LCN10: variants seen among roughly 807,000 people sequenced by gnomAD.
The protein encoded by LCN10 is lipocalin 10.
In LCN10, 18 loss-of-function variants were observed where a neutral mutation model predicts 25.1. The observed-to-expected ratio is 0.72, with a 90% CI of 0.50 to 1.06. The LOEUF (loss-of-function observed/expected upper bound fraction) is 1.06, where lower values mean the gene tolerates loss of function less well. Ranked by LOEUF, LCN10 falls within the 50% of genes least tolerant of loss-of-function variation. LCN10 has a pLI of 0.00. For synonymous variants in LCN10, 130 were observed against 116.7 expected (o/e 1.11, Z -0.73); for missense variants, 257 against 258.9 (o/e 0.99, Z 0.05).
chr9:136,740,428 G>T lies in LCN10; in HGVS notation c.476-380C>A. ...TCCTTTCCGTGTACCCCAAGTGGTT[G>T]GTGTCTAGAATTGGGTTTGTGGCCC... On this transcript the variant is annotated intron_variant, in intron 4 of 5. Transcript: ENST00000497771. This position sits in a 1 kb window ranked among gnomAD's most constrained non-coding sequence, Gnocchi z 5.3. The T allele has an allele frequency of 2.3e-6, 1 of 426,406 alleles. No individual in the cohort carries two copies. The highest frequency in any genetic ancestry group is 4.4e-6 in the Non-Finnish European group (1 of 228,748). The allele number at this position is 426,406 out of a possible 1,614,324, so 26.4% of individuals were successfully genotyped here.
Position 136,740,114 on chromosome 9 carries a change from C to A in LCN10, c.476-66G>T. ...GGCCATTTTAGGGTCTGCACCCTGA[C>A]CCCCATCCCTACCCCAGGAGCTGCT... On this transcript the variant is annotated intron_variant, in intron 4 of 5. Transcript: ENST00000497771. This position sits in a 1 kb window ranked among gnomAD's most constrained non-coding sequence, Gnocchi z 5.3. 1.9e-6 allele frequency: 2 copies of A among 1,049,152 alleles called. No homozygotes were observed. Among genetic ancestry groups the A allele is most frequent in the South Asian group, 2.7e-5 (2 of 74,044 alleles). The allele number at this position is 1,049,152 out of a possible 1,614,324, so 65.0% of individuals were successfully genotyped here.
chr9:136,741,069 A>T lies in LCN10; in HGVS notation c.368-126T>A, dbSNP rs968260319. 5 of 1,011,940 alleles carry T rather than the reference A, an allele frequency of 4.9e-6. No homozygotes were observed. The Admixed American group carries it at 1.0e-4, about 21-fold the overall frequency. The allele number at this position is 1,011,940 out of a possible 1,614,324, so 62.7% of individuals were successfully genotyped here. On this transcript the variant is annotated intron_variant, in intron 3 of 5. Coordinates refer to ENST00000497771, the MANE Select transcript of LCN10 (RefSeq NM_001001712.3). ...CAGGTGCAGGTGTCCAGAGGGACTG[A>T]GTGCCCTCCCGGGGCCTCCCCTCCC...
Position 136,739,548 on chromosome 9 carries a change from G to C in LCN10, c.580C>G (p.Arg194Gly), listed in dbSNP as rs753212037. ...TCTCATGGCAGGATGGTGTGTGTAC[G>C]GGACGCTGTGGGAGAGGAAAACAGC... is the stretch of plus-strand genomic sequence containing the variant. Reference protein sequence around the residue: ...AAVILPKDASRTHTILP With the variant: ...AAVILPKDASGTHTILP The change falls in exon 6 of 6, where the codon CGT (arginine) becomes GGT (glycine). Residue 194 changes from arginine (R) to glycine (G), a missense_variant. By Grantham distance (125) the Arg-to-Gly change is moderately radical. Coordinates refer to ENST00000497771, the MANE Select transcript of LCN10 (RefSeq NM_001001712.3). The surrounding 1 kb of genome is among the most constrained non-coding windows in gnomAD (Gnocchi z 6.1). 5 of 1,600,014 alleles carry C rather than the reference G, an allele frequency of 3.1e-6. No homozygotes were observed. The highest frequency in any genetic ancestry group is 2.3e-5 in the South Asian group (2 of 88,258).
rs1374626549 is a variant in LCN10, at chr9:136,742,827, T to C, written c.77A>G (p.Glu26Gly). 2 of 1,613,442 alleles carry C rather than the reference T, an allele frequency of 1.2e-6. No homozygotes were observed. Among genetic ancestry groups the C allele is most frequent in the African/African-American group, 1.3e-5 (1 of 74,886 alleles). Residue 26 changes from glutamate to glycine, a missense_variant, in exon 1 of 6, where the codon GAG becomes GGG. Coordinates refer to ENST00000497771, the MANE Select transcript of LCN10 (RefSeq NM_001001712.3). ...LVLAAGSQVQEWYPRESHALN... is the reference protein window; with the variant it reads ...LVLAAGSQVQGWYPRESHALN... ...GGCGTGGGACTCCCTGGGGTACCAC[T>C]CCTGCACCTGGGACCCTGCAGCCAG... is the stretch of plus-strand genomic sequence containing the variant.
chr9:136,741,694 A>C, intron 2 of LCN10, 187 bp downstream of exon 2: 1 of 832,778 alleles, frequency 1.2e-6, no homozygotes, highest in Non-Finnish European at 1.8e-6. Context: ...GCTTCCTCCC[A>C]ACACCCACCC....
rs369198647 is a variant in LCN10, at chr9:136,741,308, G to C, written c.311C>G (p.Pro104Arg). Reference protein sequence around the residue: ...EVILRKDGKKPVFGNACAYAA... With the variant: ...EVILRKDGKKRVFGNACAYAA... ...GTATGCACAGGCGTTCCCAAACACCGGCTTCTTCCCGTCTTTCCTCAGGAT... is the reference window on the plus strand; with the variant it reads ...GTATGCACAGGCGTTCCCAAACACCCGCTTCTTCCCGTCTTTCCTCAGGAT... The change falls in exon 3 of 6, where the codon CCG (proline) becomes CGG (arginine). Residue 104 changes from proline to arginine, a missense_variant. By Grantham distance (103) the Pro-to-Arg change is moderately radical. Transcript: ENST00000497771. The C allele has an allele frequency of 7.4e-6, 12 of 1,613,426 alleles. No homozygotes were observed. The highest frequency in any genetic ancestry group is 1.0e-5 in the Non-Finnish European group (12 of 1,179,794).
chr9:136,742,194 G>A, intron 1 of LCN10, 174 bp from the exon 2 acceptor site: 1 of 765,878 alleles, frequency 1.3e-6, no homozygotes, highest in Non-Finnish European at 2.0e-6. Flanking sequence ...ACTGGAGCAG[G>A]GCTGCAGAGA....
rs1846906678 is a variant in LCN10, at chr9:136,740,373, C to G, written c.476-325G>C. ...GACTGAGACCCCAGGACCCCACCTC[C>G]CCTCTACCCGTTCCAACCGGGAGGG... On this transcript the variant is annotated intron_variant, in intron 4 of 5. Coordinates refer to ENST00000497771, the MANE Select transcript of LCN10 (RefSeq NM_001001712.3). This position sits in a 1 kb window ranked among gnomAD's most constrained non-coding sequence, Gnocchi z 5.3. 2.2e-5 allele frequency: 10 copies of G among 464,328 alleles called. No homozygotes were observed. In the South Asian group the frequency reaches 2.3e-4, roughly 11 times the overall value. 28.8% of individuals were successfully genotyped at this position (464,328 alleles called of 1,614,324 possible).
rs940777422 is a variant in LCN10 at position 136,742,936 on chromosome 9, T to A, written c.-33A>T. Reference sequence around the variant, plus strand: ...CTCCTCCCTCAGCCGCCAAGGCCAGTGTTTAAACCTCTCTGGAGCCGCCAG... The same window carrying A: ...CTCCTCCCTCAGCCGCCAAGGCCAGAGTTTAAACCTCTCTGGAGCCGCCAG... On this transcript the variant is annotated 5_prime_UTR_variant, in exon 1 of 6. Transcript: ENST00000497771. 6.2e-6 allele frequency: 10 copies of A among 1,606,938 alleles called. No homozygotes were observed. Among genetic ancestry groups the A allele is most frequent in the South Asian group, 5.5e-5 (5 of 90,442 alleles).
intron 1 of LCN10, chr9:136,742,345 C>T: frequency 2.4e-6 from 1 of 416,444 alleles, no homozygotes; most frequent in Non-Finnish European, 4.3e-6. Flanking sequence ...CGGCCACTTC[C>T]CTTCCTGCCG....
chr9:136,741,196 C>T lies in LCN10; in HGVS notation c.367+56G>A, dbSNP rs1174084786. 5.4e-6 allele frequency: 8 copies of T among 1,484,672 alleles called. No homozygotes were observed. The East Asian group carries it at 1.6e-4, about 30-fold the overall frequency. 92.0% of individuals were successfully genotyped at this position (1,484,672 alleles called of 1,614,324 possible). On this transcript the variant is annotated intron_variant, in intron 3 of 5. Transcript: ENST00000497771. Reference sequence around the variant, plus strand: ...GGGGACAAGGGGCCTGCTCAAGGCACAGGGGGGTCAGAGGCATATCACGCA... The same window carrying T: ...GGGGACAAGGGGCCTGCTCAAGGCATAGGGGGGTCAGAGGCATATCACGCA...
chr9:136,740,639 C>T lies in LCN10; in HGVS notation c.475+197G>A. The T allele has an allele frequency of 1.7e-6, 1 of 579,342 alleles. No homozygotes were observed. Among genetic ancestry groups the T allele is most frequent in the East Asian group, 2.8e-5 (1 of 35,742 alleles). The allele number at this position is 579,342 out of a possible 1,614,324, so 35.9% of individuals were successfully genotyped here. A position where few individuals can be genotyped will look rare whatever the true frequency, so the allele number is the denominator to read the frequency against. Reference sequence around the variant, plus strand: ...TTTCTCTGCAGCCTCTTCCTGACGTCCCCTATCCTTGCTTCAGCGACCTCC... The same window carrying T: ...TTTCTCTGCAGCCTCTTCCTGACGTTCCCTATCCTTGCTTCAGCGACCTCC... On this transcript the variant is annotated intron_variant, in intron 4 of 5. Transcript: ENST00000497771. This position sits in a 1 kb window ranked among gnomAD's most constrained non-coding sequence, Gnocchi z 5.3.
rs762286023 is a variant in LCN10 at position 136,740,786 on chromosome 9, T to C, written c.475+50A>G. On this transcript the variant is annotated intron_variant, in intron 4 of 5. Transcript: ENST00000497771. The surrounding 1 kb of genome is among the most constrained non-coding windows in gnomAD (Gnocchi z 5.3). ...CCTGTGCCCAGCGCCCCTCTATGCC[T>C]CCCTCTGCACCCCCTCCACCATCCT... is the stretch of plus-strand genomic sequence containing the variant. 4.2e-5 allele frequency: 59 copies of C among 1,409,866 alleles called. No homozygotes were observed. The highest frequency in any genetic ancestry group is 5.5e-5 in the Non-Finnish European group (57 of 1,039,196). The allele number at this position is 1,409,866 out of a possible 1,614,324, so 87.3% of individuals were successfully genotyped here. A position where few individuals can be genotyped will look rare whatever the true frequency, so the allele number is the denominator to read the frequency against.
intron 1 of LCN10, 135 bp downstream of exon 1, chr9:136,742,652 G>A: frequency 9.0e-7 from 1 of 1,110,440 alleles, no homozygotes; most frequent in South Asian, 1.7e-5. Flanking sequence ...TGCAGTGGGA[G>A]AGGCCAGGTG....
chr9:136,739,438 C>G lies in LCN10; in HGVS notation c.*87G>C. On this transcript the variant is annotated 3_prime_UTR_variant, in exon 6 of 6. Transcript: ENST00000497771. The surrounding 1 kb of genome is among the most constrained non-coding windows in gnomAD (Gnocchi z 6.1). ...GAGTCACCAAACACCTCTCAACAAG[C>G]CGTGGTCTCCACTTGACATCTGGAA... The G allele has an allele frequency of 7.1e-7, 1 of 1,413,086 alleles. No homozygotes were observed. The highest frequency in any genetic ancestry group is 9.8e-7 in the Non-Finnish European group (1 of 1,021,118). 87.5% of individuals were successfully genotyped at this position (1,413,086 alleles called of 1,614,324 possible).
intron 2 of LCN10, 187 bp from the exon 3 acceptor site, chr9:136,741,548 G>C (rs1231436262): frequency 3.3e-6 from 2 of 610,852 alleles, no homozygotes; most frequent in African/African-American, 1.9e-5. Flanking sequence ...TCTGTGGTTT[G>C]AGGATTTTCC....
At chr9:136,741,633 A>G (rs577894379) in intron 2 of LCN10, 1 of 617,120 alleles carries the variant, frequency 1.6e-6, no homozygotes. Context: ...AGGAGCTGCA[A>G]GCGGCTTCCT....
intron 2 of LCN10, 168 bp from the exon 3 acceptor site, chr9:136,741,529 A>G (rs948633938): frequency 6.3e-5 from 39 of 616,202 alleles, no homozygotes; most frequent in Admixed American, 1.2e-4. Context: ...ACTCGTGTCA[A>G]TCTGAGGCTC....
In LCN10 at chr9:136,741,375, G is replaced by A. The variant is rs773587190; in HGVS notation, c.258-14C>T. 2.3e-5 allele frequency: 37 copies of A among 1,588,384 alleles called. No homozygotes were observed. The Admixed American group carries it at 2.3e-4, about 10-fold the overall frequency. The stretch of plus-strand genomic sequence containing the variant: ...CACCCCTTCAACCTGGGGCCAAGGC[G>A]GGGGCTCAGGCTGCAGACCAGGGAA... On this transcript the variant is annotated splice_polypyrimidine_tract_variant and intron_variant, in intron 2 of 5. Coordinates refer to ENST00000497771, the MANE Select transcript of LCN10 (RefSeq NM_001001712.3).
Sources: allele counts gnomAD v4.1 joint callset, GRCh38; gene constraint gnomAD v4.1.1; non-coding constraint Gnocchi (gnomAD v3.1); transcripts MANE v1.5; gene names NCBI Gene and HGNC (gene_info 2026-07-23, HGNC 2026-07-21).